The following CSMD3 variants were observed in gnomAD, a reference collection of about 807,000 sequenced individuals.
CSMD3 encodes CUB and sushi domain-containing protein 3.
In CSMD3, 177 loss-of-function variants were observed where a neutral mutation model predicts 435.2. That is an observed-to-expected ratio of 0.41 (90% confidence interval 0.36 to 0.46). The LOEUF (loss-of-function observed/expected upper bound fraction) is 0.46. Ranked by LOEUF, CSMD3 falls within the 20% of genes least tolerant of loss-of-function variation. The pLI is 0.34. For synonymous variants in CSMD3, 1,656 were observed against 1,520.5 expected (o/e 1.09, Z -2.07); for missense variants, 4,265 against 4,504.6 (o/e 0.95, Z 1.52).
At chr8:112,794,538 A>G (rs980972452) in intron 13 of CSMD3, among the ~76,000 whole-genome samples, 12 of 151,604 alleles carry the variant, frequency 7.9e-5, no homozygotes, top group African/African-American at 1.9e-4. Context: ...CAGATGATCC[A>G]CCCACCTCGG....
intron 7 of CSMD3, among the ~76,000 whole-genome samples, chr8:112,960,057 C>T (rs2130858810): frequency 6.6e-6 from 1 of 151,858 alleles, no homozygotes; most frequent in African/African-American, 2.4e-5. Context: ...ATTATCAGTT[C>T]TATTCCAGAG....
intron 9 of CSMD3, among the ~76,000 whole-genome samples, chr8:112,928,003 G>C (rs1564114018): frequency 6.6e-6 from 1 of 152,052 alleles, no homozygotes; most frequent in Non-Finnish European, 1.5e-5. Flanking sequence ...ACAATTTCAA[G>C]TATACTAGAA....
At position 112,666,317 on chromosome 8, in the gene CSMD3, C is replaced by A. The variant is rs763942016; in HGVS notation, c.2776G>T (p.Glu926Ter). 1.9e-6 allele frequency: 3 copies of A among 1,612,362 alleles called. No individual in the cohort carries two copies. The highest frequency in any genetic ancestry group is 2.5e-6 in the Non-Finnish European group (3 of 1,179,002). The change falls in exon 17 of 71, where the codon GAA becomes TAA. Residue 926 changes from glutamate to a stop codon, truncating the protein, a stop_gained. Coordinates refer to ENST00000297405, the MANE Select transcript of CSMD3 (RefSeq NM_198123.2). LOFTEE classifies it high-confidence loss of function. ...TTGATAGAGTGTCCAGGTTCAGCTT[C>A]AATCACCCACTCACAATTCAAAGAG... ...KDSLNCEWVI[E>*]AEPGHSIKIT...
intron 11 of CSMD3, among the ~76,000 whole-genome samples, chr8:112,851,029 G>T (rs1370636226): frequency 6.6e-6 from 1 of 152,080 alleles, no homozygotes; most frequent in African/African-American, 2.4e-5. Context: ...TTCATCTTGT[G>T]TAGTTATTAC....
chr8:112,762,220 A>G (rs1453292877), intron 13 of CSMD3, among the ~76,000 whole-genome samples: 1 of 151,960 alleles, frequency 6.6e-6, no homozygotes, highest in African/African-American at 2.4e-5. Context: ...GAGGCAGCAG[A>G]TATGTTACTT....
intron 22 of CSMD3, among the ~76,000 whole-genome samples, chr8:112,621,973 T>C (rs1834108563): frequency 6.6e-6 from 1 of 152,162 alleles, no homozygotes. Context: ...TCATTCTCTC[T>C]CTGTGGTACA....
At position 113,366,611 on chromosome 8, in the gene CSMD3, T is replaced by C. The variant is rs191558866; in HGVS notation, c.179-51818A>G. Among the ~76,000 whole-genome samples, 734 of 152,160 alleles carry C rather than the reference T, an allele frequency of 4.8e-3. 12 individuals carry two copies. The highest frequency in any genetic ancestry group is 0.017 in the African/African-American group (707 of 41,560). On this transcript the variant is annotated intron_variant, in intron 1 of 70. Transcript: ENST00000297405. ...TATCAGAATTGAGAAGAGCTAATCGTTTTATGCATATTTGAATGCAATTCT... is the reference window on the plus strand; with the variant it reads ...TATCAGAATTGAGAAGAGCTAATCGCTTTATGCATATTTGAATGCAATTCT...
chr8:113,282,618 T>C (rs577015685), intron 2 of CSMD3, among the ~76,000 whole-genome samples: 7 of 152,164 alleles, frequency 4.6e-5, no homozygotes, highest in East Asian at 1.9e-4. Flanking sequence ...ACCATGCACA[T>C]AGATGAGGAG....
intron 53 of CSMD3, among the ~76,000 whole-genome samples, chr8:112,297,790 A>G (rs962851302): frequency 1.3e-5 from 2 of 152,060 alleles, no homozygotes; most frequent in Non-Finnish European, 2.9e-5. Context: ...ATTGTATTTT[A>G]TATACTGACA....
chr8:112,409,324 G>A (rs769426278), intron 32 of CSMD3, among the ~76,000 whole-genome samples: 2 of 151,886 alleles, frequency 1.3e-5, no homozygotes, highest in Non-Finnish European at 2.9e-5. Flanking sequence ...TAAAATTGAT[G>A]ATTAATACTT....
At chr8:113,399,715 T>A (rs998859672) in intron 1 of CSMD3, among the ~76,000 whole-genome samples, 30 of 151,854 alleles carry the variant, frequency 2.0e-4, no homozygotes, top group Admixed American at 7.2e-4. Context: ...TGGGGGAGAA[T>A]ACAAAATGTT....
At chr8:112,604,443 C>T (rs1832631743) in intron 22 of CSMD3, among the ~76,000 whole-genome samples, 1 of 151,708 alleles carries the variant, frequency 6.6e-6, no homozygotes, top group African/African-American at 2.4e-5. Flanking sequence ...AAATACAGAC[C>T]AATAGAGTAG....
At chr8:112,632,758 G>T (rs1489153138) in intron 22 of CSMD3, among the ~76,000 whole-genome samples, 1 of 151,812 alleles carries the variant, frequency 6.6e-6, no homozygotes, top group African/African-American at 2.4e-5. Context: ...AAACAAAAAA[G>T]GAAAGTGTTT....
intron 1 of CSMD3, among the ~76,000 whole-genome samples, chr8:113,367,852 C>G (rs1394000434): frequency 9.9e-5 from 15 of 152,058 alleles, no homozygotes. Flanking sequence ...GTGTCTTTGC[C>G]TCTTCCCTGG....
chr8:112,669,499 T>G (rs566215599), intron 16 of CSMD3, among the ~76,000 whole-genome samples: 1 of 152,324 alleles, frequency 6.6e-6, no homozygotes, highest in South Asian at 2.1e-4. Context: ...GAAATTCTTA[T>G]ACATTTTTTT....
chr8:112,835,820 G>A (rs1238716515), intron 11 of CSMD3, among the ~76,000 whole-genome samples: 2 of 151,852 alleles, frequency 1.3e-5, no homozygotes, highest in African/African-American at 4.8e-5. Flanking sequence ...GCCAGAAGCT[G>A]TGGAGCACTA....
intron 4 of CSMD3, among the ~76,000 whole-genome samples, chr8:113,126,252 C>G (rs2091123486): frequency 6.6e-6 from 1 of 151,808 alleles, no homozygotes; most frequent in African/African-American, 2.4e-5. Flanking sequence ...GCTCTATAAT[C>G]TCACACTACA....
At chr8:113,002,437 C>T (rs2085899358) in intron 6 of CSMD3, among the ~76,000 whole-genome samples, 1 of 152,006 alleles carries the variant, frequency 6.6e-6, no homozygotes, top group Admixed American at 6.6e-5. Context: ...TAAATAAATG[C>T]TCATTCTCAG....
intron 37 of CSMD3, 60 bp downstream of exon 37, chr8:112,383,507 A>T (rs2131253642): frequency 1.0e-6 from 1 of 971,968 alleles, no homozygotes; most frequent in Non-Finnish European, 1.6e-6. Flanking sequence ...ATAGCTCTTT[A>T]ATTTTTTTTA....
Sources: allele counts gnomAD v4.1 joint callset (sites outside exome capture counted in the v4.1 genomes callset), GRCh38; gene constraint gnomAD v4.1.1; transcripts MANE v1.5; gene names NCBI Gene and HGNC (gene_info 2026-07-23, HGNC 2026-07-21).